Variants in ARHGAP26 observed in about 807,000 individuals in gnomAD.
The protein encoded by ARHGAP26 is rho GTPase-activating protein 26.
A neutral mutation model predicts 104.8 loss-of-function variants in ARHGAP26; 38 were observed. The observed-to-expected ratio is 0.36, with a 90% CI of 0.28 to 0.48. The LOEUF (loss-of-function observed/expected upper bound fraction) is 0.48. ARHGAP26 is among the 20% of genes least tolerant of loss of function. The probability of loss-of-function intolerance (pLI) is 0.99; values close to 1 mark genes in which losing one functional copy is unlikely to be tolerated. For synonymous variants in ARHGAP26, 341 were observed against 340.0 expected (o/e 1.00, Z -0.03); for missense variants, 704 against 947.9 (o/e 0.74, Z 3.38).
chr5:143,115,629 C>T (rs1486626819), intron 17 of ARHGAP26, among the ~76,000 whole-genome samples: 4 of 152,188 alleles, frequency 2.6e-5, no homozygotes, highest in Non-Finnish European at 4.4e-5. Flanking sequence ...CTTTCATCAG[C>T]ACTACCTCGA....
intron 17 of ARHGAP26, among the ~76,000 whole-genome samples, chr5:143,092,254 C>G (rs531745711): frequency 3.3e-5 from 5 of 150,434 alleles, no homozygotes; most frequent in African/African-American, 1.2e-4. Flanking sequence ...AGCTCCGCCT[C>G]CCAGGTTCAC....
rs554059908 is a variant in ARHGAP26 at position 142,803,973 on chromosome 5, C to T, written c.154+33058C>T. ...TATCAGCACTGGTAGGTGCTTTCCA[C>T]GCACTGTCATAGTAATCCTTAACAG... On this transcript the variant is annotated intron_variant, in intron 1 of 22. Transcript: ENST00000645722. Among the ~76,000 whole-genome samples, 6 of 151,458 alleles carry T rather than the reference C, an allele frequency of 4.0e-5. No individual in the cohort carries two copies. In the South Asian group the frequency reaches 6.3e-4, roughly 16 times the overall value.
At chr5:142,809,709 A>T (rs781422719) in intron 1 of ARHGAP26, among the ~76,000 whole-genome samples, 38 of 152,224 alleles carry the variant, frequency 2.5e-4, no homozygotes, top group Non-Finnish European at 3.8e-4. Flanking sequence ...AACTTCTGCC[A>T]GTCCTGCTGG....
At chr5:142,873,311 A>G (rs1755607878) in intron 1 of ARHGAP26, 89 bp from the exon 2 acceptor site, 2 of 896,496 alleles carry the variant, frequency 2.2e-6, no homozygotes, top group Non-Finnish European at 3.4e-6. Context: ...GCCTCCTAAG[A>G]TATTCCTAGA....
At chr5:143,126,412 T>G (rs760633099) in intron 18 of ARHGAP26, among the ~76,000 whole-genome samples, 4 of 152,202 alleles carry the variant, frequency 2.6e-5, no homozygotes, top group Non-Finnish European at 5.9e-5. Flanking sequence ...AACTGGGAGC[T>G]CTCAGAAGTT....
intron 11 of ARHGAP26, among the ~76,000 whole-genome samples, chr5:142,945,716 C>G (rs370266537): frequency 6.6e-5 from 10 of 152,176 alleles, no homozygotes; most frequent in African/African-American, 2.2e-4. Flanking sequence ...AAAAATATTA[C>G]AAAGAATTCC....
rs1781524171 is a variant in ARHGAP26, at chr5:143,029,385, C to G, written c.1145-7811C>G. On this transcript the variant is annotated intron_variant, in intron 12 of 22. Coordinates refer to ENST00000645722, the MANE Select transcript of ARHGAP26 (RefSeq NM_001135608.3). Reference sequence around the variant, plus strand: ...ATCCATCCATGTTAGAAATCCTTTACTTCTCAGTTTTTTTTTTTTTTTTTT... The same window carrying G: ...ATCCATCCATGTTAGAAATCCTTTAGTTCTCAGTTTTTTTTTTTTTTTTTT... 1.5e-5 allele frequency among the ~76,000 whole-genome samples: 2 copies of G among 137,400 alleles called. 1 individual carries two copies. Among genetic ancestry groups the G allele is most frequent in the Non-Finnish European group, 3.1e-5 (2 of 64,370 alleles). The allele number at this position is 137,400 out of a possible 152,430, so 90.1% of individuals were successfully genotyped here. A position where few individuals can be genotyped will look rare whatever the true frequency, so the allele number is the denominator to read the frequency against.
chr5:143,029,398 T>G (rs1253034933), intron 12 of ARHGAP26, among the ~76,000 whole-genome samples: 2 of 99,228 alleles, frequency 2.0e-5, no homozygotes, highest in Admixed American at 8.9e-5. Flanking sequence ...CTCAGTTTTT[T>G]TTTTTTTTTT....
At chr5:143,012,842 G>C (rs968185725) in intron 11 of ARHGAP26, among the ~76,000 whole-genome samples, 2 of 151,356 alleles carry the variant, frequency 1.3e-5, no homozygotes, top group Non-Finnish European at 2.9e-5. Context: ...TTTTAGTAGA[G>C]ACGGAGTTTC....
chr5:142,948,458 T>G (rs916184352), intron 11 of ARHGAP26, among the ~76,000 whole-genome samples: 1 of 151,790 alleles, frequency 6.6e-6, no homozygotes, highest in African/African-American at 2.4e-5. Context: ...TCTGCTGGCT[T>G]TCTTTGAATT....
At chr5:143,069,129 G>C (rs192702002) in intron 17 of ARHGAP26, among the ~76,000 whole-genome samples, 1 of 152,096 alleles carries the variant, frequency 6.6e-6, no homozygotes. Context: ...GGTCTTCCTC[G>C]ATTGTTTTAA....
intron 17 of ARHGAP26, among the ~76,000 whole-genome samples, chr5:143,094,714 G>A (rs138333559): frequency 2.2e-3 from 341 of 152,276 alleles, no homozygotes; most frequent in Non-Finnish European, 3.6e-3. Flanking sequence ...TTCCCCTATT[G>A]GCTAGGGTTA....
intron 11 of ARHGAP26, among the ~76,000 whole-genome samples, chr5:142,975,386 G>C (rs1772913182): frequency 1.6e-5 from 2 of 125,420 alleles, no homozygotes; most frequent in Admixed American, 1.7e-4. Context: ...GAGCTGCCCT[G>C]CTTTCATCTT....
intron 20 of ARHGAP26, among the ~76,000 whole-genome samples, chr5:143,195,044 A>G (rs1258310814): frequency 1.3e-5 from 2 of 152,236 alleles, no homozygotes; most frequent in African/African-American, 2.4e-5. Context: ...AGACTACTAA[A>G]TAAGCACCAG....
At chr5:142,913,054 A>G (rs1371459729) in intron 9 of ARHGAP26, 145 bp from the exon 10 acceptor site, 2 of 717,586 alleles carry the variant, frequency 2.8e-6, no homozygotes, top group African/African-American at 3.5e-5. Context: ...GGAAAGGTTT[A>G]TAGTCACCCT....
At chr5:142,981,873 G>A (rs377575992) in intron 11 of ARHGAP26, among the ~76,000 whole-genome samples, 1 of 152,114 alleles carries the variant, frequency 6.6e-6, no homozygotes, top group African/African-American at 2.4e-5. Flanking sequence ...AAAAGTTCCC[G>A]ACTCAGTGAA....
intron 1 of ARHGAP26, among the ~76,000 whole-genome samples, chr5:142,813,790 T>C (rs1310091614): frequency 6.6e-6 from 1 of 152,230 alleles, no homozygotes; most frequent in Non-Finnish European, 1.5e-5. Context: ...TACAGTCCCA[T>C]TCTGAGGTAC....
intron 11 of ARHGAP26, among the ~76,000 whole-genome samples, chr5:142,960,586 A>G (rs1392484721): frequency 6.6e-6 from 1 of 152,254 alleles, no homozygotes; most frequent in Non-Finnish European, 1.5e-5. Context: ...TCAGGCATCT[A>G]CTGGCGTCTT....
chr5:143,116,032 A>G (rs1795393317), intron 17 of ARHGAP26, among the ~76,000 whole-genome samples: 1 of 152,056 alleles, frequency 6.6e-6, no homozygotes, highest in South Asian at 2.1e-4. Context: ...GAAATATCAG[A>G]GTGTGTCATA....
Sources: gnomAD v4.1 joint callset for allele counts (sites outside exome capture counted in the v4.1 genomes callset) on GRCh38, gnomAD v4.1.1 for gene constraint, MANE v1.5 for transcripts, NCBI Gene and HGNC (gene_info 2026-07-23, HGNC 2026-07-21) for gene names.